DCDC1: variants seen among roughly 807,000 people sequenced by gnomAD.
The protein encoded by DCDC1 is doublecortin domain containing 1.
A neutral mutation model predicts 178.3 loss-of-function variants in DCDC1; 200 were observed. The observed-to-expected ratio is 1.12, with a 90% CI of 1.00 to 1.26. DCDC1 has a LOEUF of 1.26. Ranked by LOEUF, DCDC1 falls within the 50% of genes most tolerant of loss-of-function variation. DCDC1 has a pLI of 0.00. For synonymous variants in DCDC1, 690 were observed against 604.8 expected (o/e 1.14, Z -2.07); for missense variants, 1,983 against 1,749.2 (o/e 1.13, Z -2.38).
At chr11:31,266,938 C>A (rs1945205503) in intron 7 of DCDC1, among the ~76,000 whole-genome samples, 1 of 152,142 alleles carries the variant, frequency 6.6e-6, no homozygotes. Context: ...ATTTAACTGA[C>A]AAATTAATTT....
chr11:31,357,618 T>C (rs1014115747), intron 1 of DCDC1, among the ~76,000 whole-genome samples: 1 of 151,972 alleles, frequency 6.6e-6, no homozygotes, highest in African/African-American at 2.4e-5. Context: ...AAATAAAGGG[T>C]ATTCAATTAG....
intron 9 of DCDC1, among the ~76,000 whole-genome samples, chr11:31,177,959 C>T (rs988306472): frequency 1.3e-5 from 2 of 151,954 alleles, no homozygotes; most frequent in African/African-American, 4.8e-5. Flanking sequence ...GTAATCAACA[C>T]ACCATTGATC....
At chr11:31,047,311 T>G (rs1164524897) in intron 20 of DCDC1, among the ~76,000 whole-genome samples, 4 of 152,190 alleles carry the variant, frequency 2.6e-5, no homozygotes, top group Non-Finnish European at 5.9e-5. Context: ...TCTTAATGTC[T>G]GTTATTGTGT....
At chr11:31,063,196 AAAC>A (rs1477173022) in intron 20 of DCDC1, among the ~76,000 whole-genome samples, 1 of 152,020 alleles carries the variant, frequency 6.6e-6, no homozygotes. Flanking sequence ...AAAAGTCAGG[AAAC>A]AACAGGTGCT....
intron 9 of DCDC1, among the ~76,000 whole-genome samples, chr11:31,189,431 C>G (rs1481681167): frequency 6.6e-6 from 1 of 152,080 alleles, no homozygotes; most frequent in African/African-American, 2.4e-5. Flanking sequence ...TTCATAATAC[C>G]TTCTTATCTC....
chr11:30,932,562 A>C (rs1947003731), intron 21 of DCDC1, among the ~76,000 whole-genome samples: 1 of 152,204 alleles, frequency 6.6e-6, no homozygotes, highest in African/African-American at 2.4e-5. Context: ...ACCAAAAATA[A>C]AACTATGAAC....
chr11:31,006,146 C>G (rs369116236), intron 20 of DCDC1, among the ~76,000 whole-genome samples: 57 of 152,144 alleles, frequency 3.7e-4, no homozygotes, highest in African/African-American at 1.3e-3. Context: ...TCCTCTTCTT[C>G]TTCTCCTTGA....
At chr11:31,144,955 TA>T (rs1342884727) in intron 9 of DCDC1, among the ~76,000 whole-genome samples, 3 of 152,106 alleles carry the variant, frequency 2.0e-5, no homozygotes, top group Non-Finnish European at 4.4e-5. Flanking sequence ...CATTTCCTTT[TA>T]GACTTTATGA....
chr11:31,149,400 A>C (rs1022382948), intron 9 of DCDC1, among the ~76,000 whole-genome samples: 1 of 152,064 alleles, frequency 6.6e-6, no homozygotes. Context: ...ATCAATCAGC[A>C]CTCTGTAAAA....
At chr11:31,345,902 T>C (rs1285922114) in intron 1 of DCDC1, among the ~76,000 whole-genome samples, 1 of 152,200 alleles carries the variant, frequency 6.6e-6, no homozygotes, top group African/African-American at 2.4e-5. Flanking sequence ...AGATAATGTT[T>C]GTCCAGGCAA....
chr11:31,280,673 C>G (rs1946358815), intron 7 of DCDC1: 1 of 521,268 alleles, frequency 1.9e-6, no homozygotes, highest in Non-Finnish European at 3.6e-6. Flanking sequence ...AATTATTACT[C>G]ATTTAGTAGC....
intron 9 of DCDC1, among the ~76,000 whole-genome samples, chr11:31,161,347 T>C (rs967155545): frequency 6.6e-6 from 1 of 152,160 alleles, no homozygotes; most frequent in African/African-American, 2.4e-5. Context: ...TCTCTGACTT[T>C]TGTTGAAAAT....
At chr11:31,202,775 G>A (rs999762503) in intron 9 of DCDC1, among the ~76,000 whole-genome samples, 3 of 152,198 alleles carry the variant, frequency 2.0e-5, no homozygotes, top group Admixed American at 6.5e-5. Flanking sequence ...AGTTTGTTGA[G>A]AGTTTGGGTC....
Position 31,269,548 on chromosome 11 carries a change from G to C in DCDC1, c.961-3948C>G, listed in dbSNP as rs542767941. On this transcript the variant is annotated intron_variant, in intron 7 of 38. Coordinates refer to ENST00000684477, the MANE Select transcript of DCDC1 (RefSeq NM_001387274.1). ...CAACAGGTGTACCATATGACACCCAGCTAATTTTTTAATTTTTGTAGAGAT... is the reference window on the plus strand; with the variant it reads ...CAACAGGTGTACCATATGACACCCACCTAATTTTTTAATTTTTGTAGAGAT... Among the ~76,000 whole-genome samples the C allele has an allele frequency of 3.3e-5, 5 of 151,922 alleles. 1 individual carries two copies. The South Asian group carries it at 1.0e-3, about 32-fold the overall frequency.
At chr11:31,077,015 C>A (rs1203450254) in intron 18 of DCDC1, among the ~76,000 whole-genome samples, 1 of 152,106 alleles carries the variant, frequency 6.6e-6, no homozygotes, top group Non-Finnish European at 1.5e-5. Context: ...GCTTGTTTTC[C>A]TTCTTGGATA....
intron 18 of DCDC1, among the ~76,000 whole-genome samples, chr11:31,075,778 T>C (rs1465351808): frequency 6.6e-6 from 1 of 152,252 alleles, no homozygotes; most frequent in Non-Finnish European, 1.5e-5. Context: ...TTGTAAATTC[T>C]AGACATTAGC....
intron 20 of DCDC1, among the ~76,000 whole-genome samples, chr11:30,998,810 G>A (rs1170117301): frequency 6.6e-6 from 1 of 152,054 alleles, no homozygotes; most frequent in Non-Finnish European, 1.5e-5. Context: ...CTGAGTGTGG[G>A]CTGAACTATT....
chr11:31,004,023 T>C (rs1382237806), intron 20 of DCDC1, among the ~76,000 whole-genome samples: 2 of 152,062 alleles, frequency 1.3e-5, no homozygotes, highest in Non-Finnish European at 2.9e-5. Flanking sequence ...GAAGGAACTT[T>C]TGGAGGAATG....
At chr11:31,364,418 T>C (rs150140287) in intron 1 of DCDC1, among the ~76,000 whole-genome samples, 109 of 152,260 alleles carry the variant, frequency 7.2e-4, no homozygotes, top group Non-Finnish European at 1.2e-3. Flanking sequence ...CTATTAAAGA[T>C]AAATAGAAGA....
Sources: allele counts gnomAD v4.1 joint callset (sites outside exome capture counted in the v4.1 genomes callset), GRCh38; gene constraint gnomAD v4.1.1; transcripts MANE v1.5; gene names NCBI Gene and HGNC (gene_info 2026-07-23, HGNC 2026-07-21).